The following TTN variants were observed in gnomAD, a reference collection of about 807,000 sequenced individuals.
The protein encoded by TTN is connectin.
Under a neutral mutation model 3,223.0 loss-of-function variants are expected in TTN, and 1,525 were observed. The ratio of observed to expected loss-of-function variants is 0.47; its 90% confidence interval spans 0.45 to 0.49. The LOEUF (loss-of-function observed/expected upper bound fraction) is 0.49, where lower values mean the gene tolerates loss of function less well. Ranked by LOEUF, TTN falls within the 20% of genes least tolerant of loss-of-function variation. The probability of loss-of-function intolerance (pLI) is 0.00; values close to 1 mark genes in which losing one functional copy is unlikely to be tolerated. For missense variants in TTN, 40,786 were observed against 43,424.0 expected (o/e 0.94, Z 5.40); for synonymous variants, 14,094 against 15,161.0 (o/e 0.93, Z 5.17).
In TTN at chr2:178,684,979, T is replaced by G. The variant is rs1404127741; in HGVS notation, c.32481A>C (p.Ala10827=). The change falls in exon 130 of 363, where the codon GCA becomes GCC. Residue 10827 remains alanine (A), a synonymous_variant. Coordinates refer to ENST00000589042, the MANE Select transcript of TTN (RefSeq NM_001267550.2). ...TCTTTTCTGGCACAATTTTCTTAGG[T>G]GCTTCAGGAACTTTAGAAAGATTAG... is the stretch of plus-strand genomic sequence containing the variant. The part of the protein sequence containing the change: ...EEPPPAKVPE[A]PKKIVPEKKV... 6.2e-7 allele frequency: 1 copy of G among 1,603,026 alleles called. No individual in the cohort carries two copies.
intron 236 of TTN, 120 bp downstream of exon 236, chr2:178,632,027 C>T: frequency 9.4e-7 from 1 of 1,061,566 alleles, no homozygotes; most frequent in Non-Finnish European, 1.3e-6. Flanking sequence ...GTGATAGCTT[C>T]TTAAGGAGTT....
Position 178,528,690 on chromosome 2 carries a change from C to T in TTN, c.107061G>A (p.Lys35687=), listed in dbSNP as rs113190638. 4 of 1,613,518 alleles carry T rather than the reference C, an allele frequency of 2.5e-6. No homozygotes were observed. The African/African-American group carries it at 4.0e-5, about 16-fold the overall frequency. The change falls in exon 360 of 363, where the codon AAG becomes AAA. Residue 35687 remains lysine (K), a synonymous_variant. Transcript: ENST00000589042. ...TGCTCAGTGTCAAATCATACTGACA[C>T]TTGACGATTCCTTCCTTGGTTTTGC... The part of the protein sequence containing the change: ...CISKTKEGIV[K]CQYDLTLSKE...
intron 127 of TTN, among the ~76,000 whole-genome samples, chr2:178,685,988 T>C (rs961301274): frequency 6.6e-6 from 1 of 152,104 alleles, no homozygotes; most frequent in Non-Finnish European, 1.5e-5. Context: ...GAAACATACT[T>C]GAGGATTTAA....
Position 178,773,226 on chromosome 2 carries a change from T to C in TTN, c.7738A>G (p.Ile2580Val), listed in dbSNP as rs753963679. The C allele has an allele frequency of 8.7e-6, 14 of 1,613,764 alleles. No homozygotes were observed. The highest frequency in any genetic ancestry group is 1.0e-5 in the Non-Finnish European group (12 of 1,179,934). ...KEIKPSSKYKIEAHGKIYKLT... is the reference protein window; with the variant it reads ...KEIKPSSKYKVEAHGKIYKLT... ...TTATATATTTTTCCATGTGCTTCAATTTTATATTTAGAACTGGGCTTGATT... is the reference window on the plus strand; with the variant it reads ...TTATATATTTTTCCATGTGCTTCAACTTTATATTTAGAACTGGGCTTGATT... The change falls in exon 33 of 363, where the codon ATT (isoleucine) becomes GTT (valine). Residue 2580 changes from isoleucine (I) to valine (V), a missense_variant. Transcript: ENST00000589042.
rs372701206 is a variant in TTN, at chr2:178,573,409, G to A, written c.72723C>T (p.Val24241=). The A allele has an allele frequency of 6.6e-7, 1 of 1,520,700 alleles. No individual in the cohort carries two copies. Among genetic ancestry groups the A allele is most frequent in the African/African-American group, 1.4e-5 (1 of 71,738 alleles). The allele number at this position is 1,520,700 out of a possible 1,614,324, so 94.2% of individuals were successfully genotyped here. The change falls in exon 326 of 363, where the codon GTC becomes GTT. Residue 24241 remains valine, a synonymous_variant. Transcript: ENST00000589042. ...VTTITKDSMV[V]CWGHPDSDGG... ...CATCAGAATCAGGATGTCCCCAGCA[G>A]ACAACCATCGAATCTTTAGTAATAG...
rs876657670 is a variant in TTN at position 178,560,622 on chromosome 2, C to T, written c.85510G>A (p.Glu28504Lys). 6.2e-7 allele frequency: 1 copy of T among 1,613,450 alleles called. No individual in the cohort carries two copies. Among genetic ancestry groups the T allele is most frequent in the Non-Finnish European group, 8.5e-7 (1 of 1,179,796 alleles). ...ACTTTACAGGATGTCATCTGTAACT[C>T]TCCTTCACATATTGTCCATGCAAGG... Reference protein sequence around the residue: ...SHLAWTICEGELQMTSCKVTK... With the variant: ...SHLAWTICEGKLQMTSCKVTK... The change falls in exon 326 of 363, where the codon GAG (glutamate) becomes AAG (lysine). Residue 28504 changes from glutamate (E) to lysine (K), a missense_variant. Coordinates refer to ENST00000589042, the MANE Select transcript of TTN (RefSeq NM_001267550.2).
At position 178,592,220 on chromosome 2, in the gene TTN, T is replaced by C. The variant is rs1355833226; in HGVS notation, c.59684A>G (p.Tyr19895Cys). The C allele has an allele frequency of 1.9e-6, 3 of 1,611,794 alleles. No homozygotes were observed. Among genetic ancestry groups the C allele is most frequent in the Non-Finnish European group, 2.5e-6 (3 of 1,178,908 alleles). ...ATCCAGTGGTTCTTTCCAAGTAAGGTAACATGAATCTTTCCTAATTTCACT... is the reference window on the plus strand; with the variant it reads ...ATCCAGTGGTTCTTTCCAAGTAAGGCAACATGAATCTTTCCTAATTTCACT... ...EVSEIRKDSC[Y>C]LTWKEPLDDG... The change falls in exon 302 of 363, where the codon TAC becomes TGC. Residue 19895 changes from tyrosine to cysteine, a missense_variant. By Grantham distance (194) the Tyr-to-Cys change is radical (BLOSUM62 -2). Transcript: ENST00000589042.
intron 47 of TTN, chr2:178,748,364 C>T (rs1222154659): frequency 1.2e-6 from 2 of 1,613,028 alleles, no homozygotes; most frequent in East Asian, 4.5e-5. Context: ...AAGCTCTTGA[C>T]TGGAAGAAAT....
chr2:178,552,820 GC>G lies in TTN; in HGVS notation c.90079del (p.Ala30027LeufsTer13). 1 of 1,613,856 alleles carries G rather than the reference GC, an allele frequency of 6.2e-7. No individual in the cohort carries two copies. Among genetic ancestry groups the G allele is most frequent in the Non-Finnish European group, 8.5e-7 (1 of 1,179,794 alleles). ...EPCETTEPVK[A>X]AEVPAPIRDL... ...ACGTATAGGAGCTGGTACTTCAGCA[GC>G]CTTCACTGGCTCTGTAGTTTCACAG... On this transcript the variant is annotated frameshift_variant, in exon 335 of 363. Coordinates refer to ENST00000589042, the MANE Select transcript of TTN (RefSeq NM_001267550.2). LOFTEE classifies it high-confidence loss of function.
In TTN at chr2:178,605,732, G is replaced by GA; in HGVS notation, c.53582-20dup. 1 of 1,449,756 alleles carries GA rather than the reference G, an allele frequency of 6.9e-7. No homozygotes were observed. The highest frequency in any genetic ancestry group is 1.7e-5 in the South Asian group (1 of 57,966). 89.8% of individuals were successfully genotyped at this position (1,449,756 alleles called of 1,614,324 possible). A position where few individuals can be genotyped will look rare whatever the true frequency, so the allele number is the denominator to read the frequency against. ...GGAGGACCTTTAGCCAGAGGCAAGT[G>GA]AAAATGATTAGCATGAGATAAATAT... is the stretch of plus-strand genomic sequence containing the variant. On this transcript the variant is annotated intron_variant, in intron 278 of 362. Transcript: ENST00000589042.
chr2:178,538,387 G>T, intron 354 of TTN, 153 bp downstream of exon 354: 1 of 707,846 alleles, frequency 1.4e-6, no homozygotes, highest in Non-Finnish European at 2.2e-6. Context: ...GTTTCCTGTA[G>T]AACTTGTCAT....
At position 178,728,547 on chromosome 2, in the gene TTN, T is replaced by C. The variant is rs766551817; in HGVS notation, c.19379A>G (p.Glu6460Gly). 2.5e-6 allele frequency: 4 copies of C among 1,612,794 alleles called. No homozygotes were observed. Among genetic ancestry groups the C allele is most frequent in the Non-Finnish European group, 2.5e-6 (3 of 1,179,266 alleles). The change falls in exon 66 of 363, where the codon GAA (glutamate) becomes GGA (glycine). Residue 6460 changes from glutamate (E) to glycine (G), a missense_variant. Transcript: ENST00000589042. ...QDSGQYTFKV[E>G]NDFGSSSCDA... is the part of the protein sequence containing the mutation. The stretch of plus-strand genomic sequence containing the variant: ...ACAGCTACTGCTTCCGAAGTCATTT[T>C]CCACCTTGAAAGTGTACTGACCGCT...
Position 178,590,879 on chromosome 2 carries a change from G to C in TTN, c.60846C>G (p.Asp20282Glu). Reference protein sequence around the residue: ...PSPPGKPVVTDITENAATVSW... With the variant: ...PSPPGKPVVTEITENAATVSW... ...ACACTGTTGCTGCATTTTCAGTAATGTCAGTAACCACTGGTTTACCAGGAG... is the reference window on the plus strand; with the variant it reads ...ACACTGTTGCTGCATTTTCAGTAATCTCAGTAACCACTGGTTTACCAGGAG... The change falls in exon 304 of 363, where the codon GAC becomes GAG. Residue 20282 changes from aspartate (D) to glutamate (E), a missense_variant. Transcript: ENST00000589042. 6.2e-7 allele frequency: 1 copy of C among 1,611,010 alleles called. No homozygotes were observed. Among genetic ancestry groups the C allele is most frequent in the Non-Finnish European group, 8.5e-7 (1 of 1,177,612 alleles).
Position 178,555,100 on chromosome 2 carries a change from T to C in TTN, c.88359A>G (p.Arg29453=). The part of the protein sequence containing the change: ...PLEYTEVVKY[R]AGTSVKLRAG... ...CTCTGAGCTTCACAGATGTACCTGC[T>C]CTGTATTTGACAACTTCTGTATATT... The change falls in exon 331 of 363, where the codon AGA becomes AGG. Residue 29453 remains arginine, a synonymous_variant. Coordinates refer to ENST00000589042, the MANE Select transcript of TTN (RefSeq NM_001267550.2). The C allele has an allele frequency of 6.2e-7, 1 of 1,613,828 alleles. No individual in the cohort carries two copies.
Position 178,568,293 on chromosome 2 carries a change from T to C in TTN, c.77839A>G (p.Arg25947Gly), listed in dbSNP as rs369737926. The change falls in exon 326 of 363, where the codon AGA (arginine) becomes GGA (glycine). Residue 25947 changes from arginine (R) to glycine (G), a missense_variant. Arg to Gly is a moderately radical substitution (Grantham distance 125, BLOSUM62 -2). Coordinates refer to ENST00000589042, the MANE Select transcript of TTN (RefSeq NM_001267550.2). Reference protein sequence around the residue: ...VWDVVSATVARTTLKVTKLKT... With the variant: ...VWDVVSATVAGTTLKVTKLKT... ...AGTTTGGTCACTTTGAGTGTAGTTC[T>C]AGCAACAGTAGCAGAAACAACATCC... 1.9e-6 allele frequency: 3 copies of C among 1,613,458 alleles called. No homozygotes were observed. Among genetic ancestry groups the C allele is most frequent in the Non-Finnish European group, 2.5e-6 (3 of 1,179,586 alleles).
intron 46 of TTN, among the ~76,000 whole-genome samples, chr2:178,754,911 TCTGTA>T (rs1456973176): frequency 1.3e-5 from 2 of 152,168 alleles, no homozygotes; most frequent in African/African-American, 4.8e-5. Flanking sequence ...AACTGTATTC[TCTGTA>T]CTGGGTAGGA....
chr2:178,784,020 C>T lies in TTN; in HGVS notation c.2775+50G>A, dbSNP rs777167856. 2.9e-5 allele frequency: 46 copies of T among 1,610,490 alleles called. No homozygotes were observed. The Admixed American group carries it at 7.5e-4, about 26-fold the overall frequency. On this transcript the variant is annotated intron_variant, in intron 16 of 362. Coordinates refer to ENST00000589042, the MANE Select transcript of TTN (RefSeq NM_001267550.2). ...CAGTACAAACTAGCCAACCACCTGG[C>T]CCTGCTCAATGGGAGTGGACCATGT...
rs931153562 is a variant in TTN, at chr2:178,734,860, G to C, written c.15064C>G (p.Leu5022Val). 6.2e-7 allele frequency: 1 copy of C among 1,613,684 alleles called. No individual in the cohort carries two copies. The highest frequency in any genetic ancestry group is 1.3e-5 in the African/African-American group (1 of 75,034). ...QVTWFKNNKE[L>V]SESNTVRMYF... ...ATTCGGACTGTGTTACTTTCACTGA[G>C]TTCTTTGTTATTTTTAAACCAAGTA... Residue 5022 changes from leucine (L) to valine (V), a missense_variant, in exon 51 of 363, where the codon CTC becomes GTC. Leu to Val is a conservative substitution (Grantham distance 32). Coordinates refer to ENST00000589042, the MANE Select transcript of TTN (RefSeq NM_001267550.2).
chr2:178,548,177 A>G lies in TTN; in HGVS notation c.93449T>C (p.Leu31150Pro). 1 of 1,613,834 alleles carries G rather than the reference A, an allele frequency of 6.2e-7. No individual in the cohort carries two copies. Among genetic ancestry groups the G allele is most frequent in the South Asian group, 1.1e-5 (1 of 91,076 alleles). Residue 31150 changes from leucine to proline, a missense_variant, in exon 339 of 363, where the codon CTT becomes CCT. By Grantham distance (98) the Leu-to-Pro change is moderately conservative (BLOSUM62 -3). Coordinates refer to ENST00000589042, the MANE Select transcript of TTN (RefSeq NM_001267550.2). This position sits in a 1 kb window ranked among gnomAD's most constrained non-coding sequence, Gnocchi z 4.3. The part of the protein sequence containing the change: ...DGGSRITGYL[L>P]EMRQKGSDFW... The stretch of plus-strand genomic sequence containing the variant: ...GTCAGATCCCTTTTGTCTCATTTCA[A>G]GCAGGTAGCCAGTGATCCGGCTGCC...
Sources: allele counts gnomAD v4.1 joint callset (sites outside exome capture counted in the v4.1 genomes callset), GRCh38; gene constraint gnomAD v4.1.1; non-coding constraint Gnocchi (gnomAD v3.1); transcripts MANE v1.5; gene names NCBI Gene and HGNC (gene_info 2026-07-23, HGNC 2026-07-21).